COL26A1: variants seen among roughly 807,000 people sequenced by gnomAD.
The protein encoded by COL26A1 is collagen alpha-1(XXVI) chain.
A neutral mutation model predicts 59.3 loss-of-function variants in COL26A1; 41 were observed. The observed-to-expected ratio is 0.69, with a 90% CI of 0.54 to 0.90. COL26A1 has a LOEUF of 0.90. COL26A1 is among the 40% of genes least tolerant of loss of function. The pLI, the probability that COL26A1 is intolerant of heterozygous loss-of-function variation, is 0.00. For synonymous variants in COL26A1, 266 were observed against 256.0 expected (o/e 1.04, Z -0.37); for missense variants, 612 against 602.3 (o/e 1.02, Z -0.17).
intron 1 of COL26A1, among the ~76,000 whole-genome samples, chr7:101,396,994 G>C (rs1209993097): frequency 1.3e-5 from 2 of 152,168 alleles, no homozygotes; most frequent in African/African-American, 4.8e-5. Context: ...ATGCAGAGGT[G>C]GGGGAATGAG....
chr7:101,536,327 T>C (rs1795482276), intron 4 of COL26A1, among the ~76,000 whole-genome samples: 1 of 152,228 alleles, frequency 6.6e-6, no homozygotes, highest in Admixed American at 6.5e-5. Flanking sequence ...CTGGCAGCTT[T>C]GATGGCCCAG....
At chr7:101,396,121 G>C (rs910462320) in intron 1 of COL26A1, among the ~76,000 whole-genome samples, 2 of 152,062 alleles carry the variant, frequency 1.3e-5, no homozygotes, top group African/African-American at 4.8e-5. Flanking sequence ...CATTAGCCAG[G>C]TGTGGTGTGG....
At chr7:101,537,605 C>T (rs1303985750) in intron 4 of COL26A1, among the ~76,000 whole-genome samples, 1 of 152,208 alleles carries the variant, frequency 6.6e-6, no homozygotes, top group African/African-American at 2.4e-5. Context: ...CTGCCCAGGT[C>T]TGCAGGCTCT....
chr7:101,531,887 T>C (rs552059614), intron 3 of COL26A1, among the ~76,000 whole-genome samples: 25 of 152,092 alleles, frequency 1.6e-4, no homozygotes, highest in Non-Finnish European at 3.2e-4. Flanking sequence ...GGCCGTGGAC[T>C]GTGCGTGTGG....
intron 2 of COL26A1, among the ~76,000 whole-genome samples, chr7:101,434,564 ATT>A (rs35564798): frequency 0.13 from 18,853 of 148,810 alleles, 2,337 homozygotes; most frequent in African/African-American, 0.33. Context: ...GCCTGGCCTG[ATT>A]TTTTTTTTTT....
intron 1 of COL26A1, among the ~76,000 whole-genome samples, chr7:101,417,633 GATATATCTCTATATCTA>G (rs1792405897): frequency 7.8e-5 from 3 of 38,416 alleles, no homozygotes; most frequent in South Asian, 2.9e-3. Flanking sequence ...TAGATATAGA[GATATATCTCTATATCTA>G]GACATAGATA....
chr7:101,414,762 T>G (rs961319146), intron 1 of COL26A1, among the ~76,000 whole-genome samples: 18 of 152,060 alleles, frequency 1.2e-4, no homozygotes, highest in Non-Finnish European at 1.9e-4. Flanking sequence ...AAACACACAC[T>G]GAGTGCTTGA....
intron 1 of COL26A1, among the ~76,000 whole-genome samples, chr7:101,415,754 C>T (rs1404870918): frequency 1.3e-5 from 2 of 152,046 alleles, no homozygotes; most frequent in African/African-American, 2.4e-5. Context: ...CTCAGCCTCC[C>T]GAGTAGCTGG....
At chr7:101,502,860 G>A (rs1396252125) in intron 3 of COL26A1, among the ~76,000 whole-genome samples, 1 of 152,194 alleles carries the variant, frequency 6.6e-6, no homozygotes, top group African/African-American at 2.4e-5. Context: ...TCCCGGGGCT[G>A]CCTGGCTCTG....
chr7:101,424,691 C>A (rs756149931), intron 2 of COL26A1, among the ~76,000 whole-genome samples: 31 of 152,078 alleles, frequency 2.0e-4, no homozygotes, highest in Non-Finnish European at 3.7e-4. Context: ...GGGTGCACAC[C>A]CTCTGTCTGT....
rs578073597 is a variant in COL26A1 at position 101,499,982 on chromosome 7, G to A, written c.386-33100G>A. Among the ~76,000 whole-genome samples the A allele has an allele frequency of 2.0e-5, 3 of 152,120 alleles. No individual in the cohort carries two copies. The South Asian group carries it at 6.2e-4, about 32-fold the overall frequency. ...CAGTGTTCTACCCTTACCCTTGAGT[G>A]GAAACTGGACATTCCCATAACCATT... On this transcript the variant is annotated intron_variant, in intron 3 of 12. Coordinates refer to ENST00000313669, the MANE Select transcript of COL26A1 (RefSeq NM_001278563.3).
At chr7:101,391,475 T>A (rs978900576) in intron 1 of COL26A1, among the ~76,000 whole-genome samples, 2 of 151,880 alleles carry the variant, frequency 1.3e-5, no homozygotes, top group Non-Finnish European at 2.9e-5. Context: ...CAAACTAGAG[T>A]CTTCATGTTT....
rs1407252229 is a variant in COL26A1, at chr7:101,557,800, G to A, written c.*270G>A. 1.2e-5 allele frequency: 5 copies of A among 431,422 alleles called. No individual in the cohort carries two copies. The highest frequency in any genetic ancestry group is 3.5e-5 in the East Asian group (1 of 28,604). 26.7% of individuals were successfully genotyped at this position (431,422 alleles called of 1,614,324 possible). ...TCTGGGTGGGCTGGGTGCTGGGAAT[G>A]AGAATAATCCTAATACCCATCATTT... is the stretch of plus-strand genomic sequence containing the variant. On this transcript the variant is annotated 3_prime_UTR_variant, in exon 13 of 13. Transcript: ENST00000313669.
chr7:101,436,892 T>C (rs1057435607), intron 2 of COL26A1, among the ~76,000 whole-genome samples: 1 of 152,084 alleles, frequency 6.6e-6, no homozygotes, highest in Non-Finnish European at 1.5e-5. Context: ...ATTTTTGTAT[T>C]TTCAGTTGTG....
At chr7:101,383,426 G>A (rs1335414448) in intron 1 of COL26A1, among the ~76,000 whole-genome samples, 1 of 152,004 alleles carries the variant, frequency 6.6e-6, no homozygotes, top group Non-Finnish European at 1.5e-5. Flanking sequence ...GAGTACAATG[G>A]CACGATCTCA....
chr7:101,507,008 G>A (rs543085957), intron 3 of COL26A1, among the ~76,000 whole-genome samples: 22 of 151,740 alleles, frequency 1.4e-4, no homozygotes, highest in East Asian at 3.9e-4. Flanking sequence ...TCCGCCTCCC[G>A]GGTTCAAGCG....
chr7:101,538,677 C>G (rs952518188), intron 4 of COL26A1, among the ~76,000 whole-genome samples: 1 of 152,158 alleles, frequency 6.6e-6, no homozygotes, highest in Non-Finnish European at 1.5e-5. Context: ...GGCCTGAGCC[C>G]AGGGGGCCCA....
chr7:101,460,048 C>T (rs1354356782), intron 3 of COL26A1, among the ~76,000 whole-genome samples: 1 of 152,154 alleles, frequency 6.6e-6, no homozygotes, highest in Non-Finnish European at 1.5e-5. Flanking sequence ...GAAAGTGACT[C>T]CCCATGAATC....
chr7:101,552,734 C>T (rs1392904689), intron 10 of COL26A1, among the ~76,000 whole-genome samples: 2 of 152,088 alleles, frequency 1.3e-5, no homozygotes, highest in African/African-American at 4.8e-5. Flanking sequence ...TGGTGAAACC[C>T]CGTCTCTACT....
Sources: allele counts gnomAD v4.1 joint callset (sites outside exome capture counted in the v4.1 genomes callset), GRCh38; gene constraint gnomAD v4.1.1; transcripts MANE v1.5; gene names NCBI Gene and HGNC (gene_info 2026-07-23, HGNC 2026-07-21).